The following CSMD1 variants were observed in gnomAD, a reference collection of about 807,000 sequenced individuals.
The protein encoded by CSMD1 is CUB and Sushi multiple domains 1.
CSMD1 carries 213 observed loss-of-function variants against 417.5 expected under a neutral mutation model. The ratio of observed to expected loss-of-function variants is 0.51; its 90% CI spans 0.46 to 0.57. CSMD1 has a LOEUF of 0.57. Ranked by LOEUF, CSMD1 falls within the 20% of genes least tolerant of loss-of-function variation. The pLI is 0.00. For missense variants in CSMD1, 6,923 were observed against 4,529.7 expected (o/e 1.53, Z -15.17); for synonymous variants, 2,862 against 1,736.8 (o/e 1.65, Z -16.11).
chr8:3,729,383 T>C (rs1302531093), intron 6 of CSMD1, among the ~76,000 whole-genome samples: 1 of 152,156 alleles, frequency 6.6e-6, no homozygotes, highest in South Asian at 2.1e-4. Context: ...TTGGGCTCAG[T>C]TGTGCTCAGT....
intron 4 of CSMD1, among the ~76,000 whole-genome samples, chr8:4,026,493 G>A (rs1363811195): frequency 6.6e-6 from 1 of 152,108 alleles, no homozygotes; most frequent in Non-Finnish European, 1.5e-5. Context: ...CTCCAATTAA[G>A]AAGAAAACCA....
Position 3,693,490 on chromosome 8 carries a change from GC to G in CSMD1, c.1009+14923del, listed in dbSNP as rs1800368326. 4.6e-5 allele frequency among the ~76,000 whole-genome samples: 7 copies of G among 152,148 alleles called. No individual in the cohort carries two copies. In the South Asian group the frequency reaches 1.5e-3, roughly 32 times the overall value. On this transcript the variant is annotated intron_variant, in intron 7 of 69. Transcript: ENST00000635120. ...TACTGAAATTGCTGGTCAAATTATG[GC>G]AGCAGGCAGCCGCCTGGAGATTCAT...
intron 1 of CSMD1, among the ~76,000 whole-genome samples, chr8:4,968,517 C>T (rs184533416): frequency 1.3e-5 from 2 of 152,186 alleles, no homozygotes. Flanking sequence ...AAACTAATTT[C>T]CACCTGCACT....
chr8:4,859,041 C>G (rs998454192), intron 1 of CSMD1, among the ~76,000 whole-genome samples: 1 of 151,696 alleles, frequency 6.6e-6, no homozygotes, highest in African/African-American at 2.4e-5. Flanking sequence ...GTAACCAAAA[C>G]AGCATGGTAC....
chr8:4,303,822 A>T (rs1798110642), intron 3 of CSMD1, among the ~76,000 whole-genome samples: 1 of 151,892 alleles, frequency 6.6e-6, no homozygotes, highest in Non-Finnish European at 1.5e-5. Flanking sequence ...TCCCCGGCTA[A>T]TTGTTGTAGT....
chr8:3,643,518 C>G (rs557172471), intron 7 of CSMD1, among the ~76,000 whole-genome samples: 1 of 151,816 alleles, frequency 6.6e-6, no homozygotes, highest in African/African-American at 2.4e-5. Context: ...CTGGCTAACA[C>G]AGTGAAATCC....
At chr8:3,729,980 T>G (rs1247932338) in intron 6 of CSMD1, among the ~76,000 whole-genome samples, 1 of 116,728 alleles carries the variant, frequency 8.6e-6, no homozygotes, top group Non-Finnish European at 1.7e-5. Flanking sequence ...GAAGAACGGA[T>G]ACATAATAAT....
intron 3 of CSMD1, among the ~76,000 whole-genome samples, chr8:4,299,506 A>T (rs1002060769): frequency 6.6e-6 from 1 of 152,214 alleles, no homozygotes; most frequent in East Asian, 1.9e-4. Flanking sequence ...TGTGGTAGAC[A>T]CCTTGTAAGT....
chr8:3,104,352 T>C (rs1815973612), intron 46 of CSMD1, among the ~76,000 whole-genome samples: 2 of 152,082 alleles, frequency 1.3e-5, no homozygotes, highest in Admixed American at 1.3e-4. Flanking sequence ...TCTCCTGACT[T>C]TGCACCCAAT....
intron 5 of CSMD1, among the ~76,000 whole-genome samples, chr8:3,796,097 GAT>G: frequency 5.2e-5 from 1 of 19,050 alleles, no homozygotes; most frequent in Non-Finnish European, 1.1e-4. Context: ...ATCTATCATA[GAT>G]ATAGATATAT....
At chr8:4,932,094 C>T (rs1807286425) in intron 1 of CSMD1, among the ~76,000 whole-genome samples, 1 of 152,262 alleles carries the variant, frequency 6.6e-6, no homozygotes, top group South Asian at 2.1e-4. Context: ...TTTATTAAAG[C>T]AATTTTCATT....
At chr8:3,024,015 CA>C (rs1809659356) in intron 51 of CSMD1, among the ~76,000 whole-genome samples, 1 of 151,998 alleles carries the variant, frequency 6.6e-6, no homozygotes, top group Admixed American at 6.6e-5. Flanking sequence ...ATTGGCCTTA[CA>C]AAAATGTGTC....
At chr8:3,898,690 A>C (rs1175524321) in intron 5 of CSMD1, among the ~76,000 whole-genome samples, 1 of 152,220 alleles carries the variant, frequency 6.6e-6, no homozygotes, top group Admixed American at 6.5e-5. Flanking sequence ...TCTCATTCAG[A>C]GTTCAGAATG....
rs79939742 is a variant in CSMD1 at position 3,722,663 on chromosome 8, G to A, written c.932-14172C>T. Among the ~76,000 whole-genome samples the A allele has an allele frequency of 3.3e-3, 505 of 152,250 alleles. 2 individuals carry two copies. Among genetic ancestry groups the A allele is most frequent in the African/African-American group, 7.7e-3 (319 of 41,542 alleles). On this transcript the variant is annotated intron_variant, in intron 6 of 69. Coordinates refer to ENST00000635120, the MANE Select transcript of CSMD1 (RefSeq NM_033225.6). ...TCCAGGCATGAAATGTGTATATTCCGCACAGAGTTCGGTAAATTGCCCTAG... is the reference window on the plus strand; with the variant it reads ...TCCAGGCATGAAATGTGTATATTCCACACAGAGTTCGGTAAATTGCCCTAG...
chr8:4,322,020 C>A (rs1322044297), intron 3 of CSMD1, among the ~76,000 whole-genome samples: 2 of 152,004 alleles, frequency 1.3e-5, no homozygotes, highest in African/African-American at 4.8e-5. Flanking sequence ...AAAAGCTATT[C>A]CATTAATTTA....
At chr8:4,334,611 C>G (rs2128892431) in intron 3 of CSMD1, among the ~76,000 whole-genome samples, 1 of 152,198 alleles carries the variant, frequency 6.6e-6, no homozygotes, top group Admixed American at 6.5e-5. Flanking sequence ...ATCTGTATTT[C>G]CTCTGGAGAA....
intron 1 of CSMD1, among the ~76,000 whole-genome samples, chr8:4,847,779 T>A (rs1450632719): frequency 2.8e-5 from 2 of 71,622 alleles, no homozygotes; most frequent in African/African-American, 4.6e-5. Flanking sequence ...CTATCGGGAT[T>A]TTTTTTTTTT....
chr8:4,768,649 A>C (rs1796444673), intron 1 of CSMD1, among the ~76,000 whole-genome samples: 1 of 152,152 alleles, frequency 6.6e-6, no homozygotes, highest in African/African-American at 2.4e-5. Flanking sequence ...CCCGCAAAGT[A>C]CAGTCAATCA....
At chr8:3,933,283 T>G (rs1563226143) in intron 5 of CSMD1, among the ~76,000 whole-genome samples, 1 of 152,328 alleles carries the variant, frequency 6.6e-6, no homozygotes, top group East Asian at 1.9e-4. Context: ...ATATTTTGCT[T>G]TATTCACTTT....
Sources: gnomAD v4.1 joint callset for allele counts (sites outside exome capture counted in the v4.1 genomes callset) on GRCh38, gnomAD v4.1.1 for gene constraint, MANE v1.5 for transcripts, NCBI Gene and HGNC (gene_info 2026-07-23, HGNC 2026-07-21) for gene names.